The following DMRT1 variants were observed in gnomAD, a reference collection of about 807,000 sequenced individuals.
DMRT1 encodes doublesex and mab-3 related transcription factor 1.
Under a neutral mutation model 32.3 loss-of-function variants are expected in DMRT1, and 7 were observed. That is an observed-to-expected ratio of 0.22 (90% CI 0.12 to 0.41). The LOEUF is 0.41. Among genes scored for constraint, DMRT1 ranks in the 10% least tolerant of loss-of-function variants. The probability of loss-of-function intolerance (pLI) is 1.00; values close to 1 mark genes in which losing one functional copy is unlikely to be tolerated. For synonymous variants in DMRT1, 278 were observed against 206.1 expected, an observed-to-expected ratio of 1.35 and a Z score of -2.99; for missense variants, 625 against 500.5, an observed-to-expected ratio of 1.25 and a Z score of -2.37.
intron 4 of DMRT1, among the ~76,000 whole-genome samples, chr9:957,178 A>G (rs1819627352): frequency 1.3e-5 from 2 of 152,176 alleles, no homozygotes; most frequent in African/African-American, 4.8e-5. Flanking sequence ...AAGGCAGACT[A>G]AAATACCTGT....
intron 4 of DMRT1, among the ~76,000 whole-genome samples, chr9:929,692 C>T (rs1033221065): frequency 1.3e-5 from 2 of 152,070 alleles, no homozygotes; most frequent in African/African-American, 4.8e-5. Flanking sequence ...ACTTTTCATG[C>T]ATTTTGTTCC....
intron 1 of DMRT1, among the ~76,000 whole-genome samples, chr9:845,564 T>C (rs16924776): frequency 0.16 from 24,565 of 152,166 alleles, 2,328 homozygotes; most frequent in East Asian, 0.43. Context: ...TTCTTGGGTA[T>C]GTCAGGTCCT....
At chr9:935,794 A>G (rs1818867166) in intron 4 of DMRT1, among the ~76,000 whole-genome samples, 1 of 152,224 alleles carries the variant, frequency 6.6e-6, no homozygotes, top group African/African-American at 2.4e-5. Flanking sequence ...TTGAGTATAA[A>G]TGACTTTTGT....
At chr9:886,727 C>A (rs187847598) in intron 2 of DMRT1, among the ~76,000 whole-genome samples, 1 of 151,952 alleles carries the variant, frequency 6.6e-6, no homozygotes, top group East Asian at 1.9e-4. Context: ...TGTTTTGTGG[C>A]GTATCAGTTG....
At chr9:948,013 A>G (rs1403569246) in intron 4 of DMRT1, among the ~76,000 whole-genome samples, 1 of 152,164 alleles carries the variant, frequency 6.6e-6, no homozygotes, top group Admixed American at 6.5e-5. Context: ...ACTGGGGTGA[A>G]TCAGTTCATT....
intron 2 of DMRT1, among the ~76,000 whole-genome samples, chr9:861,986 C>A (rs1039677180): frequency 6.6e-6 from 1 of 151,152 alleles, no homozygotes; most frequent in Non-Finnish European, 1.5e-5. Context: ...GACGGGATGA[C>A]GGCCGGGAAG....
chr9:944,167 G>A (rs1465120514), intron 4 of DMRT1, among the ~76,000 whole-genome samples: 5 of 152,044 alleles, frequency 3.3e-5, no homozygotes, highest in African/African-American at 1.2e-4. Context: ...TGTTTCTAAA[G>A]GGCTTAACAC....
At chr9:896,157 G>T (rs1352085238) in intron 3 of DMRT1, among the ~76,000 whole-genome samples, 3 of 151,178 alleles carry the variant, frequency 2.0e-5, no homozygotes, top group South Asian at 2.1e-4. Context: ...CCAGCTCAAT[G>T]AATTTTATTT....
At chr9:866,147 G>C (rs1216024339) in intron 2 of DMRT1, among the ~76,000 whole-genome samples, 1 of 125,172 alleles carries the variant, frequency 8.0e-6, no homozygotes, top group Non-Finnish European at 1.6e-5. Context: ...CTGGGTGACA[G>C]AGTGAGAGTC....
At chr9:904,338 G>A (rs966039478) in intron 3 of DMRT1, among the ~76,000 whole-genome samples, 10 of 152,168 alleles carry the variant, frequency 6.6e-5, no homozygotes, top group African/African-American at 2.4e-4. Context: ...TTAATTACAT[G>A]TATAAGTGAT....
intron 3 of DMRT1, among the ~76,000 whole-genome samples, chr9:906,901 C>G (rs1486175105): frequency 6.6e-6 from 1 of 152,170 alleles, no homozygotes; most frequent in African/African-American, 2.4e-5. Flanking sequence ...TTCCTTGGGA[C>G]CAGAACCAAG....
intron 2 of DMRT1, among the ~76,000 whole-genome samples, chr9:847,706 G>C (rs1321159660): frequency 1.3e-5 from 2 of 152,196 alleles, no homozygotes; most frequent in African/African-American, 2.4e-5. Flanking sequence ...GAATTAGAAA[G>C]TATCTGAATG....
chr9:967,527 C>T (rs1391539605), intron 4 of DMRT1, among the ~76,000 whole-genome samples: 1 of 152,184 alleles, frequency 6.6e-6, no homozygotes, highest in Non-Finnish European at 1.5e-5. Context: ...CTATCCACTT[C>T]ACCTGCTGTA....
At chr9:870,292 G>C (rs1310876825) in intron 2 of DMRT1, among the ~76,000 whole-genome samples, 3 of 152,034 alleles carry the variant, frequency 2.0e-5, no homozygotes, top group South Asian at 2.1e-4. Flanking sequence ...CCAGCTACTC[G>C]GGAGGCTGAG....
At chr9:947,185 A>G (rs1423278911) in intron 4 of DMRT1, among the ~76,000 whole-genome samples, 1 of 152,262 alleles carries the variant, frequency 6.6e-6, no homozygotes, top group Non-Finnish European at 1.5e-5. Flanking sequence ...CTACAGCCAC[A>G]TGCGGCCCAG....
intron 4 of DMRT1, among the ~76,000 whole-genome samples, chr9:927,160 G>T (rs1052008420): frequency 6.6e-6 from 1 of 152,196 alleles, no homozygotes; most frequent in African/African-American, 2.4e-5. Flanking sequence ...TCAGAGGCAC[G>T]GCCCAGGCCA....
intron 2 of DMRT1, among the ~76,000 whole-genome samples, chr9:893,611 T>G (rs1586578460): frequency 6.6e-6 from 1 of 152,358 alleles, no homozygotes; most frequent in East Asian, 1.9e-4. Context: ...TTCTTGACAT[T>G]AGGATAGGAA....
chr9:909,099 C>T (rs1451754175), intron 3 of DMRT1, among the ~76,000 whole-genome samples: 1 of 152,094 alleles, frequency 6.6e-6, no homozygotes, highest in Non-Finnish European at 1.5e-5. Flanking sequence ...GAGGGCATTC[C>T]ATAGCAGGAC....
intron 2 of DMRT1, among the ~76,000 whole-genome samples, chr9:893,524 T>G (rs1817232974): frequency 6.6e-6 from 1 of 152,248 alleles, no homozygotes; most frequent in African/African-American, 2.4e-5. Flanking sequence ...CGTTTTGACT[T>G]TCTAACCTAT....
Sources: allele counts gnomAD v4.1 joint callset (sites outside exome capture counted in the v4.1 genomes callset), GRCh38; gene constraint gnomAD v4.1.1; transcripts MANE v1.5; gene names NCBI Gene and HGNC (gene_info 2026-07-23, HGNC 2026-07-21).